Variants in GABRB3 observed in about 807,000 individuals in gnomAD.
GABRB3 encodes gamma-aminobutyric acid type A receptor subunit beta3, also known as gamma-aminobutyric acid receptor subunit beta-3.
GABRB3 carries 14 observed loss-of-function variants against 52.1 expected under a neutral mutation model. The observed-to-expected ratio is 0.27, with a 90% CI of 0.18 to 0.42. The LOEUF (loss-of-function observed/expected upper bound fraction) is 0.42, where lower values mean the gene tolerates loss of function less well. GABRB3 is among the 10% of genes least tolerant of loss of function. The pLI, the probability that GABRB3 is intolerant of heterozygous loss-of-function variation, is 1.00. For synonymous variants in GABRB3, 260 were observed against 232.3 expected (o/e 1.12, Z -1.08); for missense variants, 307 against 609.1 (o/e 0.50, Z 5.22).
At chr15:26,567,496 A>C in intron 7 of GABRB3, 85 bp downstream of exon 7, 1 of 1,329,550 alleles carries the variant, frequency 7.5e-7, no homozygotes, top group Non-Finnish European at 1.1e-6. Context: ...AAAAAATGGT[A>C]GTTGAACTAC....
chr15:26,562,407 C>T (rs1890024214), intron 7 of GABRB3, among the ~76,000 whole-genome samples: 1 of 152,160 alleles, frequency 6.6e-6, no homozygotes, highest in Non-Finnish European at 1.5e-5. Flanking sequence ...TGTCAGGCTT[C>T]CCTGAAAAAG....
At chr15:26,743,694 G>C (rs1415774976) in intron 3 of GABRB3, among the ~76,000 whole-genome samples, 1 of 152,052 alleles carries the variant, frequency 6.6e-6, no homozygotes, top group African/African-American at 2.4e-5. Flanking sequence ...GCCTTAATAG[G>C]AAAAGGCCAT....
chr15:26,719,615 G>T (rs974076678), intron 3 of GABRB3, among the ~76,000 whole-genome samples: 2 of 152,052 alleles, frequency 1.3e-5, no homozygotes, highest in Non-Finnish European at 2.9e-5. Context: ...AAAATGTCTC[G>T]AGGTGTGAAC....
rs183493775 is a variant in GABRB3, at chr15:26,713,749, A to C, written c.240+58653T>G. Among the ~76,000 whole-genome samples, 484 of 152,306 alleles carry C rather than the reference A, an allele frequency of 3.2e-3. 6 individuals are homozygous for C. Among genetic ancestry groups the C allele is most frequent in the African/African-American group, 0.011 (460 of 41,568 alleles). On this transcript the variant is annotated intron_variant, in intron 3 of 8. Coordinates refer to ENST00000311550, the MANE Select transcript of GABRB3 (RefSeq NM_000814.6). ...CCGTTTCCATCTGGGCACTGGTTGC[A>C]TGAGCTTATGTGCAAGTGAGCATTC... is the stretch of plus-strand genomic sequence containing the variant.
intron 6 of GABRB3, among the ~76,000 whole-genome samples, chr15:26,569,998 C>A (rs758215766): frequency 1.3e-5 from 2 of 152,148 alleles, no homozygotes; most frequent in African/African-American, 4.8e-5. Context: ...ATATGCTAAT[C>A]CTCGCTTGTA....
chr15:26,629,089 C>T, intron 3 of GABRB3: 2 of 1,535,908 alleles, frequency 1.3e-6, no homozygotes, highest in South Asian at 2.4e-5. Context: ...GAAGTTGTGA[C>T]TGTCGCTTCC....
intron 3 of GABRB3, among the ~76,000 whole-genome samples, chr15:26,765,365 T>C (rs1008237315): frequency 2.0e-5 from 3 of 152,190 alleles, no homozygotes; most frequent in Admixed American, 2.0e-4. Flanking sequence ...AGCTACAGAA[T>C]ACTTTACAGA....
intron 3 of GABRB3, among the ~76,000 whole-genome samples, chr15:26,684,501 T>G (rs61998712): frequency 0.15 from 22,534 of 152,184 alleles, 1,920 homozygotes; most frequent in Non-Finnish European, 0.2. Flanking sequence ...CTTGGCTGTT[T>G]GGTGCAAGAA....
At chr15:26,745,711 G>A (rs186411936) in intron 3 of GABRB3, among the ~76,000 whole-genome samples, 22 of 152,268 alleles carry the variant, frequency 1.4e-4, no homozygotes, top group East Asian at 5.8e-4. Flanking sequence ...TAATAATTAT[G>A]TAAATAAAAT....
intron 6 of GABRB3, chr15:26,569,225 C>T (rs540078435): frequency 3.6e-4 from 55 of 152,252 alleles, no homozygotes; most frequent in African/African-American, 1.2e-3. Flanking sequence ...AGGAGATGAA[C>T]GATTTTATGT....
At chr15:26,585,562 T>C (rs575427531) in intron 4 of GABRB3, among the ~76,000 whole-genome samples, 1 of 152,330 alleles carries the variant, frequency 6.6e-6, no homozygotes, top group East Asian at 1.9e-4. Context: ...TTTCCAAAGA[T>C]TGAGAGAAGC....
chr15:26,550,769 C>A (rs1326165445), intron 8 of GABRB3, among the ~76,000 whole-genome samples: 1 of 152,138 alleles, frequency 6.6e-6, no homozygotes, highest in African/African-American at 2.4e-5. Context: ...CTCCTGACAC[C>A]CTAAGGGAAG....
intron 3 of GABRB3, among the ~76,000 whole-genome samples, chr15:26,731,327 C>T (rs1451337788): frequency 1.3e-5 from 2 of 152,212 alleles, no homozygotes; most frequent in African/African-American, 4.8e-5. Context: ...GACTGCTTCC[C>T]ACCAGGGAGG....
In GABRB3 at chr15:26,547,682, A is replaced by ATGTGTGTGTCTGCTTGTGTGTC; in HGVS notation, c.*89_*110dup. On this transcript the variant is annotated 3_prime_UTR_variant, in exon 9 of 9. Coordinates refer to ENST00000311550, the MANE Select transcript of GABRB3 (RefSeq NM_000814.6). ...TATATATACAATTGCGTATGTATAT[A>ATGTGTGTGTCTGCTTGTGTGTC]TGTGTGTGTCTGCTTGTGTGTCTGT... 1 of 786,516 alleles carries ATGTGTGTGTCTGCTTGTGTGTC rather than the reference A, an allele frequency of 1.3e-6. No homozygotes were observed. The highest frequency in any genetic ancestry group is 2.2e-6 in the Non-Finnish European group (1 of 455,168). 48.7% of individuals were successfully genotyped at this position (786,516 alleles called of 1,614,324 possible).
chr15:26,765,638 A>T (rs1890976567), intron 3 of GABRB3, among the ~76,000 whole-genome samples: 3 of 152,224 alleles, frequency 2.0e-5, no homozygotes, highest in African/African-American at 7.2e-5. Context: ...TGAATATTGG[A>T]TCCTATGCAA....
intron 3 of GABRB3, among the ~76,000 whole-genome samples, chr15:26,746,162 TG>T (rs1211380620): frequency 6.6e-6 from 1 of 151,302 alleles, no homozygotes; most frequent in Non-Finnish European, 1.5e-5. Flanking sequence ...TTCTGATAGG[TG>T]TTTAGGAATA....
rs1162023641 is a variant in GABRB3, at chr15:26,544,897, C to T, written c.*2896G>A. ...TCTGGGTGTGGGTAACAGCCACCTC[C>T]CAACAACGTCAGAGGTCCGGGTTCA... is the stretch of plus-strand genomic sequence containing the variant. On this transcript the variant is annotated 3_prime_UTR_variant, in exon 9 of 9. Coordinates refer to ENST00000311550, the MANE Select transcript of GABRB3 (RefSeq NM_000814.6). 6.6e-6 allele frequency: 1 copy of T among 152,582 alleles called. No individual in the cohort carries two copies. The highest frequency in any genetic ancestry group is 1.9e-4 in the East Asian group (1 of 5,190). The allele number at this position is 152,582 out of a possible 1,614,324, so 9.5% of individuals were successfully genotyped here. A position where few individuals can be genotyped will look rare whatever the true frequency, so the allele number is the denominator to read the frequency against.
intron 3 of GABRB3, among the ~76,000 whole-genome samples, chr15:26,669,669 T>C (rs903952145): frequency 2.6e-5 from 4 of 151,994 alleles, no homozygotes; most frequent in Non-Finnish European, 5.9e-5. Flanking sequence ...AGTCCTCCTA[T>C]TCTGACATAA....
chr15:26,768,824 G>A (rs952736704), intron 3 of GABRB3, among the ~76,000 whole-genome samples: 2 of 151,630 alleles, frequency 1.3e-5, no homozygotes, highest in African/African-American at 2.4e-5. Flanking sequence ...AAGAATGTAC[G>A]AAAAGAAACA....
Sources: allele counts gnomAD v4.1 joint callset (sites outside exome capture counted in the v4.1 genomes callset), GRCh38; gene constraint gnomAD v4.1.1; transcripts MANE v1.5; gene names NCBI Gene and HGNC (gene_info 2026-07-23, HGNC 2026-07-21).